SLC22A14: variants seen among roughly 807,000 people sequenced by gnomAD.
The protein encoded by SLC22A14 is solute carrier family 22 member 14, also known as organic cation transporter-like 4.
In SLC22A14, 50 loss-of-function variants were observed where a neutral mutation model predicts 53.9. That is an observed-to-expected ratio of 0.93 (90% CI 0.74 to 1.17). SLC22A14 has a LOEUF of 1.17. Ranked by LOEUF, SLC22A14 falls within the 50% of genes most tolerant of loss-of-function variation. The probability of loss-of-function intolerance (pLI) is 0.00; values close to 1 mark genes in which losing one functional copy is unlikely to be tolerated. For missense variants in SLC22A14, 671 were observed against 734.7 expected (o/e 0.91, Z 1.00); for synonymous variants, 312 against 303.0 (o/e 1.03, Z -0.31).
chr3:38,287,110 CGTGTGT>C (rs142227069), intron 1 of SLC22A14, among the ~76,000 whole-genome samples: 3 of 150,274 alleles, frequency 2.0e-5, no homozygotes, highest in African/African-American at 7.3e-5. Context: ...TGTGTGTGTG[CGTGTGT>C]GTGTGTGTGC....
At chr3:38,285,636 T>A (rs947659199) in intron 1 of SLC22A14, among the ~76,000 whole-genome samples, 2 of 152,240 alleles carry the variant, frequency 1.3e-5, no homozygotes, top group African/African-American at 2.4e-5. Flanking sequence ...CTTCTTCATT[T>A]TCATTGCTAT....
At chr3:38,316,746 G>A (rs1027056594) in intron 10 of SLC22A14, among the ~76,000 whole-genome samples, 1 of 152,170 alleles carries the variant, frequency 6.6e-6, no homozygotes, top group African/African-American at 2.4e-5. Flanking sequence ...CTCCTGACCC[G>A]GACTGGGCCA....
intron 1 of SLC22A14, among the ~76,000 whole-genome samples, chr3:38,293,352 C>T (rs913069907): frequency 1.3e-5 from 2 of 152,146 alleles, no homozygotes; most frequent in East Asian, 1.9e-4. Context: ...AGGGCCATGA[C>T]TAAAGTGGTG....
At position 38,309,106 on chromosome 3, in the gene SLC22A14, T is replaced by A; in HGVS notation, c.928T>A (p.Phe310Ile). ...GGTGGGTGGGATACTTGTGATCCCC[T>A]TCATCTCCTATATCTGGTGAGCAAG... Reference protein sequence around the residue: ...FLVGGILVIPFISYIWILPES... With the variant: ...FLVGGILVIPIISYIWILPES... Residue 310 changes from phenylalanine to isoleucine, a missense_variant, in exon 5 of 11, where the codon TTC (phenylalanine) becomes ATC (isoleucine). Physicochemically the swap from Phe to Ile is conservative, Grantham distance 21. Transcript: ENST00000448498. 6.2e-7 allele frequency: 1 copy of A among 1,613,910 alleles called. No individual in the cohort carries two copies. Among genetic ancestry groups the A allele is most frequent in the Non-Finnish European group, 8.5e-7 (1 of 1,179,734 alleles).
chr3:38,315,048 C>A lies in SLC22A14; in HGVS notation c.1379-510C>A, dbSNP rs569249523. Among the ~76,000 whole-genome samples the A allele has an allele frequency of 2.0e-5, 3 of 152,336 alleles. No homozygotes were observed. The East Asian group carries it at 5.8e-4, about 29-fold the overall frequency. ...CTGAGGAATGGGCTTTCCCCAGTTT[C>A]CCCTTCATTGTGCCTGTCTAGCTGG... On this transcript the variant is annotated intron_variant, in intron 8 of 10. Transcript: ENST00000448498.
At chr3:38,304,260 A>G (rs1400602382) in intron 1 of SLC22A14, among the ~76,000 whole-genome samples, 1 of 151,682 alleles carries the variant, frequency 6.6e-6, no homozygotes, top group Non-Finnish European at 1.5e-5. Context: ...TGTTATCTCT[A>G]TAATTACCTT....
At chr3:38,290,029 T>C (rs1281636609) in intron 1 of SLC22A14, among the ~76,000 whole-genome samples, 1 of 152,218 alleles carries the variant, frequency 6.6e-6, no homozygotes, top group East Asian at 1.9e-4. Context: ...TTTTGCCTAA[T>C]TAGCATTTTA....
In SLC22A14 at chr3:38,306,527, A is replaced by T. The variant is rs139650612; in HGVS notation, c.501A>T (p.Arg167=). ...DGWIYPDAKK[R]SLINEFDLVC... ...GGATCTATCCTGACGCTAAGAAGCG[A>T]TCGCTGATCAATGAGGTATGTCTTG... is the stretch of plus-strand genomic sequence containing the variant. The change falls in exon 2 of 11, where the codon CGA becomes CGT. Residue 167 remains arginine (R), a synonymous_variant. Coordinates refer to ENST00000448498, the MANE Select transcript of SLC22A14 (RefSeq NM_001320033.2). 1 of 1,612,932 alleles carries T rather than the reference A, an allele frequency of 6.2e-7. No homozygotes were observed. Among genetic ancestry groups the T allele is most frequent in the African/African-American group, 1.3e-5 (1 of 75,036 alleles).
intron 1 of SLC22A14, among the ~76,000 whole-genome samples, chr3:38,290,866 G>T (rs1460994850): frequency 6.6e-6 from 1 of 152,082 alleles, no homozygotes; most frequent in Admixed American, 6.6e-5. Context: ...CTGCTTGGTG[G>T]TTCCCTTCTA....
intron 8 of SLC22A14, among the ~76,000 whole-genome samples, chr3:38,314,780 T>C (rs901370425): frequency 6.6e-6 from 1 of 152,188 alleles, no homozygotes; most frequent in Admixed American, 6.5e-5. Flanking sequence ...ACAAATTCAT[T>C]ATTGAATATT....
upstream of SLC22A14, among the ~76,000 whole-genome samples, chr3:38,280,690 G>A (rs1703648737): frequency 6.6e-6 from 1 of 150,784 alleles, no homozygotes; most frequent in Non-Finnish European, 1.5e-5. Context: ...GTGCAGTGGT[G>A]CAATTCTCTG....
At chr3:38,289,626 G>C (rs1455534831) in intron 1 of SLC22A14, among the ~76,000 whole-genome samples, 5 of 152,202 alleles carry the variant, frequency 3.3e-5, no homozygotes, top group African/African-American at 7.2e-5. Flanking sequence ...CTAGTGTTCA[G>C]CTCGATTAGG....
At chr3:38,311,795 T>C (rs1704474402) in intron 5 of SLC22A14, among the ~76,000 whole-genome samples, 1 of 152,240 alleles carries the variant, frequency 6.6e-6, no homozygotes, top group South Asian at 2.1e-4. Context: ...TTATTGTCCA[T>C]ATTTACGTCA....
intron 1 of SLC22A14, among the ~76,000 whole-genome samples, chr3:38,295,538 A>C (rs1704013123): frequency 6.6e-6 from 1 of 152,196 alleles, no homozygotes; most frequent in Non-Finnish European, 1.5e-5. Context: ...CCTTGTTTAC[A>C]CTGACAACAA....
At position 38,318,239 on chromosome 3, in the gene SLC22A14, A is replaced by T; in HGVS notation, c.1775A>T (p.Asp592Val). Residue 592 changes from aspartate (D) to valine (V), a missense_variant, in exon 11 of 11, where the codon GAT becomes GTT. Coordinates refer to ENST00000448498, the MANE Select transcript of SLC22A14 (RefSeq NM_001320033.2). ...ATGAAGACTAAGGAAACATCATCTG[A>T]TGATGTCTGAGGAAGCGGCCAAGAA... ...KDMKTKETSSDDV is the reference protein window; with the variant it reads ...KDMKTKETSSVDV 1.2e-6 allele frequency: 2 copies of T among 1,614,028 alleles called. No individual in the cohort carries two copies. Among genetic ancestry groups the T allele is most frequent in the South Asian group, 2.2e-5 (2 of 91,084 alleles).
intron 1 of SLC22A14, among the ~76,000 whole-genome samples, chr3:38,283,336 C>CG (rs908571145): frequency 2.0e-5 from 3 of 151,982 alleles, no homozygotes; most frequent in African/African-American, 4.8e-5. Context: ...TAGATCTCTC[C>CG]GGGGGGCGCT....
chr3:38,317,743 G>A (rs569527696), intron 10 of SLC22A14, among the ~76,000 whole-genome samples: 3 of 152,316 alleles, frequency 2.0e-5, no homozygotes, highest in South Asian at 4.1e-4. Flanking sequence ...GTTAGACCCT[G>A]TTCTACACAT....
intron 1 of SLC22A14, among the ~76,000 whole-genome samples, chr3:38,288,714 A>C (rs1367736066): frequency 2.0e-5 from 3 of 152,152 alleles, no homozygotes; most frequent in Non-Finnish European, 4.4e-5. Context: ...CATTTAAAAA[A>C]ATCATGTTAG....
intron 5 of SLC22A14, among the ~76,000 whole-genome samples, chr3:38,312,522 T>G (rs900675557): frequency 1.3e-5 from 2 of 151,244 alleles, no homozygotes; most frequent in Non-Finnish European, 3.0e-5. Context: ...CCAGGCAGAG[T>G]GCTGGGCACT....
Sources: gnomAD v4.1 joint callset for allele counts (sites outside exome capture counted in the v4.1 genomes callset) on GRCh38, gnomAD v4.1.1 for gene constraint, MANE v1.5 for transcripts, NCBI Gene and HGNC (gene_info 2026-07-23, HGNC 2026-07-21) for gene names.